Variants in NCKAP5 observed in about 807,000 individuals in gnomAD.
NCKAP5 encodes nck-associated protein 5.
In NCKAP5, 92 loss-of-function variants were observed where a neutral mutation model predicts 167.0. That is an observed-to-expected ratio of 0.55 (90% confidence interval 0.47 to 0.66). The LOEUF is 0.66. Ranked by LOEUF, NCKAP5 falls within the 30% of genes least tolerant of loss-of-function variation. The pLI is 0.00. For synonymous variants in NCKAP5, 891 were observed against 877.4 expected (o/e 1.02, Z -0.27); for missense variants, 2,378 against 2,315.0 (o/e 1.03, Z -0.56).
intron 8 of NCKAP5, among the ~76,000 whole-genome samples, chr2:132,938,324 C>T (rs966137829): frequency 2.6e-5 from 4 of 152,152 alleles, no homozygotes; most frequent in African/African-American, 9.7e-5. Flanking sequence ...TTTCAGGAGT[C>T]CTGGTTTCCC....
At chr2:133,115,582 T>C (rs2082044850) in intron 6 of NCKAP5, among the ~76,000 whole-genome samples, 1 of 151,874 alleles carries the variant, frequency 6.6e-6, no homozygotes, top group South Asian at 2.1e-4. Flanking sequence ...ACAAGGTTTA[T>C]TAAGAGAAAT....
At chr2:133,370,740 T>A (rs576835059) in intron 3 of NCKAP5, among the ~76,000 whole-genome samples, 2 of 151,860 alleles carry the variant, frequency 1.3e-5, no homozygotes, top group South Asian at 4.2e-4. Flanking sequence ...TAAAAATACC[T>A]GATCATCAAA....
At chr2:133,156,841 C>T (rs900776898) in intron 5 of NCKAP5, among the ~76,000 whole-genome samples, 10 of 152,274 alleles carry the variant, frequency 6.6e-5, no homozygotes, top group Admixed American at 1.3e-4. Context: ...ACCCAATGAA[C>T]ATGAGCCAGA....
At chr2:133,090,333 G>A (rs1461493375) in intron 6 of NCKAP5, among the ~76,000 whole-genome samples, 8 of 152,020 alleles carry the variant, frequency 5.3e-5, no homozygotes. Flanking sequence ...CCAACGACAA[G>A]CATTCTTATA....
intron 11 of NCKAP5, among the ~76,000 whole-genome samples, chr2:132,825,953 A>G (rs1202921876): frequency 1.3e-5 from 2 of 152,270 alleles, no homozygotes; most frequent in South Asian, 4.1e-4. Flanking sequence ...CAGTCATGCT[A>G]CAGTGCTCAC....
chr2:132,920,733 GTA>G (rs1229649639), intron 8 of NCKAP5, among the ~76,000 whole-genome samples: 22 of 53,728 alleles, frequency 4.1e-4, no homozygotes, highest in African/African-American at 1.4e-3. Flanking sequence ...ATATATATAT[GTA>G]TATATATGTG....
chr2:133,090,790 C>T (rs1837136), intron 6 of NCKAP5, among the ~76,000 whole-genome samples: 14 of 92,886 alleles, frequency 1.5e-4, no homozygotes, highest in Admixed American at 1.1e-4. Context: ...GGAGACTTGG[C>T]GGGGGAAATT....
In NCKAP5 at chr2:132,963,830, A is replaced by C; in HGVS notation, c.469T>G (p.Leu157Val). ...SEEERKHKEA[L>V]EDLHMVVDED... ...TCAACCACCATGTGAAGATCTTCCAAAGCTTCCTTATGTTTTCTCTCTTCC... is the reference window on the plus strand; with the variant it reads ...TCAACCACCATGTGAAGATCTTCCACAGCTTCCTTATGTTTTCTCTCTTCC... The change falls in exon 8 of 20, where the codon TTG (leucine) becomes GTG (valine). Residue 157 changes from leucine to valine, a missense_variant. Around this residue, in one of 3 missense-constraint regions of NCKAP5, gnomAD observed 1,049 missense variants for 1,023.4 expected, o/e 1.02. Transcript: ENST00000409261. 2 of 1,613,804 alleles carry C rather than the reference A, an allele frequency of 1.2e-6. No individual in the cohort carries two copies. The highest frequency in any genetic ancestry group is 1.7e-6 in the Non-Finnish European group (2 of 1,179,808).
At chr2:133,589,882 A>T in the NCKAP5 span, among the ~76,000 whole-genome samples, 1 of 152,230 alleles carries the variant, frequency 6.6e-6, no homozygotes, top group Non-Finnish European at 1.5e-5. Flanking sequence ...ACACAAACTG[A>T]TGTAATATCC....
At chr2:133,352,187 C>T (rs972695538) in intron 3 of NCKAP5, among the ~76,000 whole-genome samples, 1 of 152,166 alleles carries the variant, frequency 6.6e-6, no homozygotes, top group Non-Finnish European at 1.5e-5. Flanking sequence ...CACTCTGTAT[C>T]CCCCTCCCTG....
At chr2:133,422,999 G>A (rs1216981366) in intron 3 of NCKAP5, among the ~76,000 whole-genome samples, 2 of 152,098 alleles carry the variant, frequency 1.3e-5, no homozygotes, top group Non-Finnish European at 2.9e-5. Context: ...CGGTATATTT[G>A]AATTGCAAAA....
At chr2:132,740,748 TG>T (rs1158012857) in intron 16 of NCKAP5, among the ~76,000 whole-genome samples, 1 of 152,110 alleles carries the variant, frequency 6.6e-6, no homozygotes, top group Non-Finnish European at 1.5e-5. Flanking sequence ...TCTCTTGTGC[TG>T]TCTTTGGGAT....
At chr2:133,326,412 C>A (rs1682447209) in intron 3 of NCKAP5, among the ~76,000 whole-genome samples, 1 of 148,476 alleles carries the variant, frequency 6.7e-6, no homozygotes, top group Non-Finnish European at 1.5e-5. Flanking sequence ...CGAGTTCACA[C>A]CACTACTGCA....
intron 3 of NCKAP5, among the ~76,000 whole-genome samples, chr2:133,349,900 A>G (rs1175293837): frequency 2.6e-5 from 4 of 152,178 alleles, no homozygotes; most frequent in African/African-American, 9.7e-5. Context: ...AACCAGGGTA[A>G]ACTTAATTAT....
chr2:133,137,273 G>A (rs1402799323), intron 5 of NCKAP5, among the ~76,000 whole-genome samples: 1 of 152,126 alleles, frequency 6.6e-6, no homozygotes, highest in African/African-American at 2.4e-5. Context: ...ACTCTTGGCT[G>A]TAACAGAAGA....
intron 11 of NCKAP5, among the ~76,000 whole-genome samples, chr2:132,836,764 C>T (rs1687917858): frequency 6.6e-6 from 1 of 152,148 alleles, no homozygotes; most frequent in Admixed American, 6.5e-5. Context: ...AGCTTATTTT[C>T]CACCCCCTAG....
chr2:133,568,765 A>T (rs529502187), upstream of NCKAP5, among the ~76,000 whole-genome samples: 1 of 152,356 alleles, frequency 6.6e-6, no homozygotes, highest in African/African-American at 2.4e-5. Flanking sequence ...GTGCCAGCAC[A>T]GCCCTACCAA....
chr2:132,718,097 G>C (rs564383721), intron 19 of NCKAP5, among the ~76,000 whole-genome samples: 9 of 152,306 alleles, frequency 5.9e-5, no homozygotes, highest in Admixed American at 5.2e-4. Context: ...TCTCAGACTT[G>C]TTTCAGTCTG....
At chr2:133,403,464 G>T (rs183428458) in intron 3 of NCKAP5, among the ~76,000 whole-genome samples, 1 of 152,194 alleles carries the variant, frequency 6.6e-6, no homozygotes, top group Non-Finnish European at 1.5e-5. Context: ...TCTAGTCAAT[G>T]ATGTTTTATT....
Sources: gnomAD v4.1 joint callset for allele counts (sites outside exome capture counted in the v4.1 genomes callset) on GRCh38, gnomAD v4.1.1 for gene constraint, gnomAD v4.1.1 regional missense constraint, MANE v1.5 for transcripts, NCBI Gene and HGNC (gene_info 2026-07-23, HGNC 2026-07-21) for gene names.